The following PC variants were observed in gnomAD, a reference collection of about 807,000 sequenced individuals.
PC encodes pyruvate carboxylase.
PC carries 46 observed loss-of-function variants against 107.8 expected under a neutral mutation model. The ratio of observed to expected loss-of-function variants is 0.43; its 90% CI spans 0.34 to 0.55. PC has a LOEUF of 0.55. PC is among the 20% of genes least tolerant of loss of function. The pLI, the probability that PC is intolerant of heterozygous loss-of-function variation, is 0.04. For synonymous variants in PC, 662 were observed against 684.7 expected, an observed-to-expected ratio of 0.97 and a Z score of 0.52; for missense variants, 1,241 against 1,643.1, an observed-to-expected ratio of 0.76 and a Z score of 4.23.
At chr11:66,916,454 G>C (rs930616821) in intron 3 of PC, among the ~76,000 whole-genome samples, 1 of 152,118 alleles carries the variant, frequency 6.6e-6, no homozygotes, top group African/African-American at 2.4e-5. Flanking sequence ...CGTCTAAGCA[G>C]ATCTGGCTTA....
chr11:66,868,227 G>A (rs772604239), intron 10 of PC, among the ~76,000 whole-genome samples: 3 of 152,164 alleles, frequency 2.0e-5, no homozygotes, highest in Non-Finnish European at 4.4e-5. Context: ...TAAGTGACAC[G>A]CTTAATAACC....
chr11:66,879,796 C>T (rs1459977300), intron 3 of PC, among the ~76,000 whole-genome samples: 1 of 152,158 alleles, frequency 6.6e-6, no homozygotes. Context: ...AGGAGGCAGT[C>T]AGAGACGGGA....
At chr11:66,949,183 A>C (rs1949379064) in intron 3 of PC, among the ~76,000 whole-genome samples, 1 of 150,880 alleles carries the variant, frequency 6.6e-6, no homozygotes, top group Non-Finnish European at 1.5e-5. Flanking sequence ...TAGTAGCGAC[A>C]GGGTTTCACC....
intron 3 of PC, among the ~76,000 whole-genome samples, chr11:66,923,318 C>A (rs958445491): frequency 2.0e-5 from 3 of 147,596 alleles, no homozygotes; most frequent in Non-Finnish European, 4.5e-5. Context: ...GCCAAGATTG[C>A]GCCACTGCAC....
At chr11:66,932,043 A>G (rs1392455149) in intron 3 of PC, among the ~76,000 whole-genome samples, 1 of 151,878 alleles carries the variant, frequency 6.6e-6, no homozygotes, top group African/African-American at 2.4e-5. Context: ...AAGAAAAAGA[A>G]AAAGAAAAAA....
chr11:66,881,507 G>A (rs945734471), intron 3 of PC, among the ~76,000 whole-genome samples: 2 of 152,214 alleles, frequency 1.3e-5, no homozygotes, highest in Non-Finnish European at 2.9e-5. Flanking sequence ...AGGCACCTAC[G>A]ACGACCTGCA....
chr11:66,931,555 T>C (rs1400698962), intron 3 of PC, among the ~76,000 whole-genome samples: 1 of 148,748 alleles, frequency 6.7e-6, no homozygotes, highest in Non-Finnish European at 1.5e-5. Context: ...TTCTGTTAAG[T>C]GTGGGATTTT....
intron 3 of PC, among the ~76,000 whole-genome samples, chr11:66,894,210 C>A (rs1051170340): frequency 1.3e-5 from 2 of 152,062 alleles, no homozygotes; most frequent in Non-Finnish European, 2.9e-5. Context: ...TCCTTGGGGA[C>A]CTCCCCCAAA....
intron 3 of PC, among the ~76,000 whole-genome samples, chr11:66,929,334 G>T (rs750081053): frequency 8.6e-5 from 13 of 152,040 alleles, no homozygotes; most frequent in Non-Finnish European, 1.5e-4. Flanking sequence ...TAACCCTAGG[G>T]ATGCAAAGGC....
intron 3 of PC, among the ~76,000 whole-genome samples, chr11:66,911,719 G>T (rs1238377048): frequency 6.6e-6 from 1 of 152,082 alleles, no homozygotes; most frequent in East Asian, 1.9e-4. Context: ...ACAAACTCAG[G>T]AACAAATTTA....
intron 3 of PC, among the ~76,000 whole-genome samples, chr11:66,894,468 A>AAT (rs1038322055): frequency 3.3e-5 from 5 of 152,276 alleles, no homozygotes; most frequent in Admixed American, 2.6e-4. Context: ...GACTTCAGCA[A>AAT]ATATATATAT....
chr11:66,859,911 CG>C (rs1555021490), intron 12 of PC: 12 of 1,581,342 alleles, frequency 7.6e-6, no homozygotes, highest in Admixed American at 3.5e-5. Context: ...GGTTCGGGGC[CG>C]GGGGGCCGGA....
intron 3 of PC, among the ~76,000 whole-genome samples, chr11:66,903,518 T>A (rs1273117060): frequency 9.9e-5 from 15 of 150,820 alleles, no homozygotes. Flanking sequence ...GGCAGGTGGA[T>A]CACCTGAGGT....
chr11:66,948,200 CTG>C (rs1949350390), intron 3 of PC, among the ~76,000 whole-genome samples: 1 of 147,894 alleles, frequency 6.8e-6, no homozygotes, highest in Non-Finnish European at 1.5e-5. Context: ...GAGCAAGACT[CTG>C]TCTTAAAAAA....
At chr11:66,874,826 C>T (rs1221479423) in intron 3 of PC, among the ~76,000 whole-genome samples, 3 of 152,076 alleles carry the variant, frequency 2.0e-5, no homozygotes, top group Admixed American at 6.5e-5. Context: ...TGACATTTTG[C>T]GAATGATCTG....
chr11:66,936,883 A>G (rs1055252090), intron 3 of PC, among the ~76,000 whole-genome samples: 1 of 151,968 alleles, frequency 6.6e-6, no homozygotes, highest in African/African-American at 2.4e-5. Flanking sequence ...CCAGGCTCCC[A>G]GGCTGGAATG....
intron 3 of PC, among the ~76,000 whole-genome samples, chr11:66,905,633 G>T (rs1948140175): frequency 6.6e-6 from 1 of 152,184 alleles, no homozygotes; most frequent in African/African-American, 2.4e-5. Flanking sequence ...ATCAAATAAG[G>T]TCTGACTGCC....
Position 66,850,841 on chromosome 11 carries a change from T to C in PC, c.2306A>G (p.His769Arg). Residue 769 changes from histidine to arginine, a missense_variant, in exon 18 of 23, where the codon CAC (histidine) becomes CGC (arginine). By Grantham distance (29) the His-to-Arg change is conservative. Coordinates refer to ENST00000393960, the MANE Select transcript of PC (RefSeq NM_001040716.2). The stretch of plus-strand genomic sequence containing the variant: ...CCCTGACGTGTCGTGGGTGTGGATG[T>C]GCAGTGGGAGGTCGGGGAAGCGGTC... ...LRDRFPDLPL[H>R]IHTHDTSGAG... The C allele has an allele frequency of 6.2e-7, 1 of 1,612,154 alleles. No homozygotes were observed. Among genetic ancestry groups the C allele is most frequent in the Non-Finnish European group, 8.5e-7 (1 of 1,179,982 alleles).
At chr11:66,910,568 A>G (rs1948307730) in intron 3 of PC, among the ~76,000 whole-genome samples, 1 of 152,164 alleles carries the variant, frequency 6.6e-6, no homozygotes, top group Non-Finnish European at 1.5e-5. Context: ...ATGGCCCCAC[A>G]CTTTAAGAAC....
Sources: allele counts gnomAD v4.1 joint callset (sites outside exome capture counted in the v4.1 genomes callset), GRCh38; gene constraint gnomAD v4.1.1; transcripts MANE v1.5; gene names NCBI Gene and HGNC (gene_info 2026-07-23, HGNC 2026-07-21).